Variants in LRRC7 observed in about 807,000 individuals in gnomAD.
The protein encoded by LRRC7 is leucine rich repeat containing 7, also known as leucine-rich repeat-containing protein 7.
In LRRC7, 23 loss-of-function variants were observed where a neutral mutation model predicts 175.7. The observed-to-expected ratio is 0.13, with a 90% CI of 0.09 to 0.19. The LOEUF (loss-of-function observed/expected upper bound fraction) is 0.19. LRRC7 is among the 10% of genes least tolerant of loss of function. The pLI is 1.00. For synonymous variants in LRRC7, 685 were observed against 680.9 expected, an observed-to-expected ratio of 1.01 and a Z score of -0.09; for missense variants, 1,354 against 1,904.7, an observed-to-expected ratio of 0.71 and a Z score of 5.38.
chr1:69,968,956 C>T (rs1288873612), intron 8 of LRRC7, among the ~76,000 whole-genome samples: 1 of 151,878 alleles, frequency 6.6e-6, no homozygotes, highest in Non-Finnish European at 1.5e-5. Context: ...GTAGCTGGGA[C>T]TACAGGTGCC....
chr1:69,840,982 C>T (rs755608211), intron 7 of LRRC7, among the ~76,000 whole-genome samples: 1 of 151,742 alleles, frequency 6.6e-6, no homozygotes, highest in Non-Finnish European at 1.5e-5. Flanking sequence ...AAAACCAAGC[C>T]TTTGTTTGCT....
At position 70,136,236 on chromosome 1, in the gene LRRC7, G is replaced by T. The variant is rs970677854; in HGVS notation, c.*14349G>T. ...TGAAGGGACTATATTTTCTTCTTTTGCTTGGTCTTGCCATAAATATGCCCC... is the reference window on the plus strand; with the variant it reads ...TGAAGGGACTATATTTTCTTCTTTTTCTTGGTCTTGCCATAAATATGCCCC... On this transcript the variant is annotated 3_prime_UTR_variant, in exon 27 of 27. Coordinates refer to ENST00000651989, the MANE Select transcript of LRRC7 (RefSeq NM_001370785.2). 2.7e-5 allele frequency among the ~76,000 whole-genome samples: 4 copies of T among 150,138 alleles called. No individual in the cohort carries two copies. The highest frequency in any genetic ancestry group is 6.7e-5 in the Admixed American group (1 of 14,994).
chr1:69,909,106 T>G (rs1404916904), intron 7 of LRRC7, among the ~76,000 whole-genome samples: 1 of 151,966 alleles, frequency 6.6e-6, no homozygotes, highest in Non-Finnish European at 1.5e-5. Context: ...TGCCTTTTTT[T>G]GTTTCCATTT....
At chr1:69,999,892 A>G (rs949699191) in intron 11 of LRRC7, among the ~76,000 whole-genome samples, 4 of 152,164 alleles carry the variant, frequency 2.6e-5, no homozygotes, top group African/African-American at 9.7e-5. Context: ...CTTCTTCTGT[A>G]AAGTTCCTGT....
At chr1:69,980,710 C>A (rs1296218629) in intron 9 of LRRC7, among the ~76,000 whole-genome samples, 1 of 152,022 alleles carries the variant, frequency 6.6e-6, no homozygotes, top group African/African-American at 2.4e-5. Context: ...TCTCTTCCCA[C>A]ATTTACTGTT....
intron 3 of LRRC7, among the ~76,000 whole-genome samples, chr1:69,790,873 G>A (rs528042687): frequency 6.6e-6 from 1 of 152,008 alleles, no homozygotes; most frequent in East Asian, 1.9e-4. Context: ...GTCTTTGTAA[G>A]GCACCAAACA....
chr1:69,993,401 T>A (rs1310101815), intron 10 of LRRC7, among the ~76,000 whole-genome samples: 7 of 152,170 alleles, frequency 4.6e-5, no homozygotes, highest in Admixed American at 2.0e-4. Flanking sequence ...ACAGCTTTAT[T>A]TCAGACTTTT....
rs781590587 is a variant in LRRC7 at position 70,141,127 on chromosome 1, A to C, written c.*19240A>C. Among the ~76,000 whole-genome samples the C allele has an allele frequency of 6.6e-6, 1 of 152,150 alleles. No individual in the cohort carries two copies. The highest frequency in any genetic ancestry group is 6.6e-5 in the Admixed American group (1 of 15,260). On this transcript the variant is annotated 3_prime_UTR_variant, in exon 27 of 27. Transcript: ENST00000651989. ...GAGTTCTAAGCTCATAAAGAGGAAGAGATAACAAAAGATGTAGATAAGAGG... is the reference window on the plus strand; with the variant it reads ...GAGTTCTAAGCTCATAAAGAGGAAGCGATAACAAAAGATGTAGATAAGAGG...
chr1:69,674,235 A>G (rs544153669), intron 1 of LRRC7, among the ~76,000 whole-genome samples: 11 of 152,262 alleles, frequency 7.2e-5, no homozygotes, highest in East Asian at 3.9e-4. Context: ...TCACTCCCCT[A>G]GTGGAATTAT....
rs1484967143 is a variant in LRRC7, at chr1:69,792,115, A to G, written c.376A>G (p.Ile126Val). 5.0e-6 allele frequency: 8 copies of G among 1,610,314 alleles called. No individual in the cohort carries two copies. The highest frequency in any genetic ancestry group is 6.8e-6 in the Non-Finnish European group (8 of 1,177,332). The change falls in exon 4 of 27, where the codon ATT becomes GTT. Residue 126 changes from isoleucine to valine, a missense_variant. Physicochemically the swap from Ile to Val is conservative, Grantham distance 29 (BLOSUM62 3). Transcript: ENST00000651989. ...DNDLSNLPTT[I>V]ASLVNLKELD... ...CGACCTTTCAAATCTGCCAACCACTATTGCTAGTTTAGTTAATCTTAAAGA... is the reference window on the plus strand; with the variant it reads ...CGACCTTTCAAATCTGCCAACCACTGTTGCTAGTTTAGTTAATCTTAAAGA...
rs761403826 is a variant in LRRC7, at chr1:70,039,268, G to C, written c.3444G>C (p.Ala1148=). 6.2e-7 allele frequency: 1 copy of C among 1,614,060 alleles called. No homozygotes were observed. ...AGTTCGCAAGCCAAGGGGCCAGGGC[G>C]GGCTTCCTGAGAAGGGCCGACTCCC... ...NAQFASQGAR[A]GFLRRADSLV... is the part of the protein sequence containing the mutation. Residue 1148 remains alanine, a synonymous_variant, in exon 21 of 27, where the codon GCG becomes GCC. Coordinates refer to ENST00000651989, the MANE Select transcript of LRRC7 (RefSeq NM_001370785.2).
intron 7 of LRRC7, among the ~76,000 whole-genome samples, chr1:69,854,490 A>G (rs756088990): frequency 5.9e-5 from 9 of 152,122 alleles, no homozygotes; most frequent in Non-Finnish European, 1.0e-4. Context: ...GCAACAGAGC[A>G]AGACCCTGTC....
At chr1:70,084,468 A>G (rs2102153681) in intron 24 of LRRC7, among the ~76,000 whole-genome samples, 1 of 152,292 alleles carries the variant, frequency 6.6e-6, no homozygotes, top group Admixed American at 6.5e-5. Flanking sequence ...TGAATGTAGC[A>G]TGTATCAGTA....
chr1:69,993,667 T>C (rs886624225), intron 10 of LRRC7, among the ~76,000 whole-genome samples: 2 of 152,144 alleles, frequency 1.3e-5, no homozygotes, highest in African/African-American at 4.8e-5. Context: ...TCAAAACATA[T>C]ATGATCATGA....
chr1:69,931,406 C>T (rs1647359642), intron 7 of LRRC7, 101 bp from the exon 8 acceptor site: 1 of 880,956 alleles, frequency 1.1e-6, no homozygotes, highest in Non-Finnish European at 1.9e-6. Context: ...GTTTTGTGTA[C>T]TACGCAATCA....
At chr1:70,043,927 T>C (rs1660125819) in intron 21 of LRRC7, 27 bp from the exon 22 acceptor site, 1 of 1,586,690 alleles carries the variant, frequency 6.3e-7, no homozygotes, top group Non-Finnish European at 8.6e-7. Flanking sequence ...GTTCACACCC[T>C]GTCACATGAT....
At chr1:69,995,902 C>T (rs1337170726) in intron 11 of LRRC7, among the ~76,000 whole-genome samples, 5 of 150,196 alleles carry the variant, frequency 3.3e-5, no homozygotes, top group Non-Finnish European at 7.4e-5. Flanking sequence ...GATTTATAGT[C>T]CTTTGGGTAT....
intron 1 of LRRC7, among the ~76,000 whole-genome samples, chr1:69,591,327 A>G (rs967453202): frequency 2.0e-5 from 3 of 152,086 alleles, no homozygotes; most frequent in African/African-American, 7.2e-5. Context: ...ATTTGTTCAT[A>G]TCAGTATCTA....
chr1:70,116,546 CAAAAAAAAA>C (rs11336931), intron 26 of LRRC7, among the ~76,000 whole-genome samples: 2 of 104,916 alleles, frequency 1.9e-5, no homozygotes, highest in African/African-American at 3.6e-5. Context: ...GACTCCATGT[CAAAAAAAAA>C]AAAAAAAAAA....
Sources: allele counts gnomAD v4.1 joint callset (sites outside exome capture counted in the v4.1 genomes callset), GRCh38; gene constraint gnomAD v4.1.1; transcripts MANE v1.5; gene names NCBI Gene and HGNC (gene_info 2026-07-23, HGNC 2026-07-21).